The following EHHADH variants were observed in gnomAD, a reference collection of about 807,000 sequenced individuals.
EHHADH encodes the protein peroxisomal bifunctional enzyme.
A neutral mutation model predicts 64.4 loss-of-function variants in EHHADH; 48 were observed. The observed-to-expected ratio is 0.75, with a 90% confidence interval of 0.59 to 0.95. The LOEUF (loss-of-function observed/expected upper bound fraction) is 0.95. Among genes scored for constraint, EHHADH ranks in the 40% least tolerant of loss-of-function variants. The pLI is 0.00. For synonymous variants in EHHADH, 308 were observed against 326.7 expected, an observed-to-expected ratio of 0.94 and a Z score of 0.62; for missense variants, 854 against 876.6, an observed-to-expected ratio of 0.97 and a Z score of 0.33.
chr3:185,239,200 T>C (rs958686490), intron 2 of EHHADH, among the ~76,000 whole-genome samples: 1 of 152,186 alleles, frequency 6.6e-6, no homozygotes, highest in African/African-American at 2.4e-5. Context: ...TATAATATAA[T>C]ATGAAGTCAG....
intron 2 of EHHADH, among the ~76,000 whole-genome samples, chr3:185,237,092 G>C (rs1719315539): frequency 6.6e-6 from 1 of 152,108 alleles, no homozygotes. Context: ...TCTACTTACA[G>C]CATAAGGTTA....
chr3:185,221,193 C>A (rs957450274), intron 4 of EHHADH, among the ~76,000 whole-genome samples: 1 of 152,180 alleles, frequency 6.6e-6, no homozygotes, highest in African/African-American at 2.4e-5. Flanking sequence ...AATATTCCCC[C>A]ATATACTTTA....
chr3:185,214,276 A>G (rs1385161943), intron 5 of EHHADH, among the ~76,000 whole-genome samples: 1 of 152,214 alleles, frequency 6.6e-6, no homozygotes, highest in East Asian at 1.9e-4. Flanking sequence ...CTAAGCACCC[A>G]ACCACTGTAG....
chr3:185,218,310 C>A, intron 4 of EHHADH, 70 bp from the exon 5 acceptor site: 3 of 1,072,304 alleles, frequency 2.8e-6, no homozygotes, highest in Non-Finnish European at 4.2e-6. Flanking sequence ...AAGCATTACT[C>A]TCTCTAGTAG....
chr3:185,202,812 G>C (rs1338704062), intron 6 of EHHADH, among the ~76,000 whole-genome samples: 1 of 152,148 alleles, frequency 6.6e-6, no homozygotes, highest in African/African-American at 2.4e-5. Context: ...CCGTGAAACT[G>C]GTCCCTGGTG....
At chr3:185,220,541 CAT>C (rs983936638) in intron 4 of EHHADH, among the ~76,000 whole-genome samples, 3 of 152,170 alleles carry the variant, frequency 2.0e-5, no homozygotes, top group African/African-American at 7.2e-5. Flanking sequence ...ATGATGGTCA[CAT>C]AACAACAAAC....
chr3:185,210,088 A>G (rs1224841235), intron 5 of EHHADH, among the ~76,000 whole-genome samples: 1 of 152,196 alleles, frequency 6.6e-6, no homozygotes. Context: ...GCATGGAGGC[A>G]CAAGCGGAGG....
intron 6 of EHHADH, among the ~76,000 whole-genome samples, chr3:185,194,787 T>G (rs1718010530): frequency 3.5e-5 from 1 of 28,530 alleles, no homozygotes; most frequent in East Asian, 1.3e-3. Context: ...TGTGACAGAG[T>G]GAGACCCTGT....
rs1478298845 is a variant in EHHADH, at chr3:185,228,507, C to T, written c.463+925G>A. 4.6e-5 allele frequency among the ~76,000 whole-genome samples: 7 copies of T among 150,704 alleles called. No homozygotes were observed. In the South Asian group the frequency reaches 1.0e-3, roughly 22 times the overall value. ...CAGCCTGACAAACATGGAGAAACCC[C>T]GTCTCTACTAAAAGTACAAAATTAG... On this transcript the variant is annotated intron_variant, in intron 4 of 6. Transcript: ENST00000231887.
intron 3 of EHHADH, among the ~76,000 whole-genome samples, chr3:185,234,979 T>C (rs1440936321): frequency 1.3e-5 from 2 of 151,976 alleles, no homozygotes; most frequent in African/African-American, 4.8e-5. Context: ...GTCAGGAGTT[T>C]GAGACCAGCC....
chr3:185,252,547 T>G (rs73887851), intron 1 of EHHADH, among the ~76,000 whole-genome samples: 34,941 of 152,130 alleles, frequency 0.23, 5,420 homozygotes, highest in African/African-American at 0.44. Flanking sequence ...AGTCCAAAAT[T>G]GACATGTAAT....
chr3:185,199,476 G>C (rs1166255290), intron 6 of EHHADH, among the ~76,000 whole-genome samples: 4 of 152,222 alleles, frequency 2.6e-5, no homozygotes, highest in Non-Finnish European at 5.9e-5. Context: ...AGAATGCAGA[G>C]AATGACTCTG....
At chr3:185,220,769 G>T (rs770464480) in intron 4 of EHHADH, among the ~76,000 whole-genome samples, 2 of 152,140 alleles carry the variant, frequency 1.3e-5, no homozygotes, top group Non-Finnish European at 2.9e-5. Context: ...GTGCCCTAAG[G>T]GAACTGAGGT....
Position 185,192,059 on chromosome 3 carries a change from A to G in EHHADH, c.*167T>C. ...ACAGATTCAGAGGCATAGGAAGCACATTCCTAAAGATTTGACCATTAGAGT... is the reference window on the plus strand; with the variant it reads ...ACAGATTCAGAGGCATAGGAAGCACGTTCCTAAAGATTTGACCATTAGAGT... On this transcript the variant is annotated 3_prime_UTR_variant, in exon 7 of 7. Transcript: ENST00000231887. The G allele has an allele frequency of 1.3e-6, 1 of 762,660 alleles. No homozygotes were observed. Among genetic ancestry groups the G allele is most frequent in the Non-Finnish European group, 2.1e-6 (1 of 483,590 alleles). 47.2% of individuals were successfully genotyped at this position (762,660 alleles called of 1,614,324 possible).
At position 185,229,485 on chromosome 3, in the gene EHHADH, T is replaced by C. The variant is rs1719096013; in HGVS notation, c.410A>G (p.Gln137Arg). The change falls in exon 4 of 7, where the codon CAG becomes CGG. Residue 137 changes from glutamine (Q) to arginine (R), a missense_variant. By Grantham distance (43) the Gln-to-Arg change is conservative (BLOSUM62 1). Coordinates refer to ENST00000231887, the MANE Select transcript of EHHADH (RefSeq NM_001966.4). ...LGLLPGARGT[Q>R]LLPRLTGVPA... Reference sequence around the variant, plus strand: ...AACTCCAGTGAGTCTGGGGAGAAGCTGGGTTCCTCTTGCACCAGGGAGAAG... The same window carrying C: ...AACTCCAGTGAGTCTGGGGAGAAGCCGGGTTCCTCTTGCACCAGGGAGAAG... 1 of 1,577,054 alleles carries C rather than the reference T, an allele frequency of 6.3e-7. No individual in the cohort carries two copies. The highest frequency in any genetic ancestry group is 8.6e-7 in the Non-Finnish European group (1 of 1,159,004).
intron 2 of EHHADH, chr3:185,245,820 C>T (rs1399156436): frequency 1.3e-5 from 10 of 773,824 alleles, no homozygotes; most frequent in African/African-American, 5.2e-5. Flanking sequence ...CCTACTCAGA[C>T]GACCTGTGGA....
intron 2 of EHHADH, among the ~76,000 whole-genome samples, chr3:185,242,087 CA>C (rs994247419): frequency 6.6e-5 from 10 of 151,590 alleles, no homozygotes; most frequent in Non-Finnish European, 1.0e-4. Context: ...AAAATAGCTG[CA>C]AAAAAATAAA....
chr3:185,222,214 T>C (rs1006362989), intron 4 of EHHADH, among the ~76,000 whole-genome samples: 24 of 151,452 alleles, frequency 1.6e-4, no homozygotes, highest in Non-Finnish European at 1.8e-4. Context: ...CCCCGCCCCC[T>C]GTTTCTACTA....
chr3:185,213,982 T>A (rs1718619132), intron 5 of EHHADH, among the ~76,000 whole-genome samples: 1 of 148,724 alleles, frequency 6.7e-6, no homozygotes, highest in Non-Finnish European at 1.5e-5. Flanking sequence ...GAAAGGCAAA[T>A]AAATAGGCCT....
Sources: gnomAD v4.1 joint callset for allele counts (sites outside exome capture counted in the v4.1 genomes callset) on GRCh38, gnomAD v4.1.1 for gene constraint, MANE v1.5 for transcripts, NCBI Gene and HGNC (gene_info 2026-07-23, HGNC 2026-07-21) for gene names.